The following ENPP1 variants were observed in gnomAD, a reference collection of about 807,000 sequenced individuals.
ENPP1 encodes the protein ectonucleotide pyrophosphatase/phosphodiesterase family member 1.
In ENPP1, 73 loss-of-function variants were observed where a neutral mutation model predicts 122.8. The observed-to-expected ratio is 0.59, with a 90% CI of 0.49 to 0.72. ENPP1 has a LOEUF of 0.72. Ranked by LOEUF, ENPP1 falls within the 30% of genes least tolerant of loss-of-function variation. The pLI is 0.00. For missense variants in ENPP1, 978 were observed against 1,128.1 expected (o/e 0.87, Z 1.91); for synonymous variants, 367 against 391.6 (o/e 0.94, Z 0.74).
At chr6:131,833,896 CTG>C (rs1054895761) in intron 1 of ENPP1, among the ~76,000 whole-genome samples, 10 of 152,286 alleles carry the variant, frequency 6.6e-5, no homozygotes, top group Admixed American at 2.6e-4. Context: ...GGTTAACTAT[CTG>C]TGAATCTAAA....
chr6:131,809,622 A>T (rs1396934158), intron 1 of ENPP1, among the ~76,000 whole-genome samples: 1 of 152,214 alleles, frequency 6.6e-6, no homozygotes, highest in African/African-American at 2.4e-5. Context: ...CAACCTGATC[A>T]CTTAAATTGT....
chr6:131,851,424 A>C (rs1781879885), intron 4 of ENPP1, 157 bp downstream of exon 4: 8 of 807,264 alleles, frequency 9.9e-6, no homozygotes, highest in Non-Finnish European at 1.6e-5. Flanking sequence ...AGAAACTTTT[A>C]AACATACACA....
intron 1 of ENPP1, among the ~76,000 whole-genome samples, chr6:131,846,738 A>C (rs1277303410): frequency 6.6e-6 from 1 of 152,156 alleles, no homozygotes; most frequent in Non-Finnish European, 1.5e-5. Context: ...GTACTCAATT[A>C]ATATTTTATT....
chr6:131,845,980 T>C (rs1238517162), intron 1 of ENPP1, among the ~76,000 whole-genome samples: 1 of 152,194 alleles, frequency 6.6e-6, no homozygotes, highest in East Asian at 1.9e-4. Flanking sequence ...TTTGCTTTCT[T>C]TGCAAAAACT....
chr6:131,846,408 C>A (rs1384969877), intron 1 of ENPP1, among the ~76,000 whole-genome samples: 1 of 152,184 alleles, frequency 6.6e-6, no homozygotes, highest in Non-Finnish European at 1.5e-5. Context: ...CTTTATGCTG[C>A]CCTTTCTCCT....
intron 8 of ENPP1, among the ~76,000 whole-genome samples, chr6:131,860,820 G>C (rs986878353): frequency 6.6e-6 from 1 of 152,114 alleles, no homozygotes; most frequent in South Asian, 2.1e-4. Flanking sequence ...AAACTACGTT[G>C]TTTTTGAACG....
In ENPP1 at chr6:131,864,923, A is replaced by C; in HGVS notation, c.1149A>C (p.Gly383=). The C allele has an allele frequency of 1.9e-6, 3 of 1,597,112 alleles. No homozygotes were observed. Among genetic ancestry groups the C allele is most frequent in the Non-Finnish European group, 2.6e-6 (3 of 1,164,664 alleles). ...CAGATTCTTCAGGTCATTCATATGG[A>C]CCAGTCAGCAGTGAAGTAAGTACAT... The part of the protein sequence containing the change: ...EEPDSSGHSY[G]PVSSEVIKAL... The change falls in exon 11 of 25, where the codon GGA becomes GGC. Residue 383 remains glycine, a synonymous_variant. Coordinates refer to ENST00000647893, the MANE Select transcript of ENPP1 (RefSeq NM_006208.3).
At chr6:131,875,357 TAAG>T (rs1782215933) in intron 16 of ENPP1, among the ~76,000 whole-genome samples, 1 of 152,182 alleles carries the variant, frequency 6.6e-6, no homozygotes, top group Non-Finnish European at 1.5e-5. Flanking sequence ...CTATAATAGA[TAAG>T]AAAGTATCAG....
Position 131,860,524 on chromosome 6 carries a change from C to G in ENPP1, c.915+18C>G, listed in dbSNP as rs954145765. The G allele has an allele frequency of 1.3e-5, 20 of 1,566,290 alleles. No individual in the cohort carries two copies. The highest frequency in any genetic ancestry group is 1.8e-5 in the Non-Finnish European group (20 of 1,139,210). On this transcript the variant is annotated intron_variant, in intron 8 of 24. Coordinates refer to ENST00000647893, the MANE Select transcript of ENPP1 (RefSeq NM_006208.3). ...GAGAACCAGTGAGTTCTTTGTTTTT[C>G]TACTAAAATAGTTAATTATTCTCAT... is the stretch of plus-strand genomic sequence containing the variant.
At chr6:131,823,062 T>G (rs1781501838) in intron 1 of ENPP1, among the ~76,000 whole-genome samples, 1 of 152,212 alleles carries the variant, frequency 6.6e-6, no homozygotes, top group South Asian at 2.1e-4. Context: ...CATGAATAGT[T>G]TCATCCATTC....
intron 19 of ENPP1, among the ~76,000 whole-genome samples, chr6:131,879,302 A>T (rs977769853): frequency 6.6e-6 from 1 of 152,198 alleles, no homozygotes; most frequent in African/African-American, 2.4e-5. Context: ...CTTAGGTACT[A>T]TATGTTCATG....
At chr6:131,887,725 A>AT (rs757759048) in intron 24 of ENPP1, among the ~76,000 whole-genome samples, 6,862 of 114,766 alleles carry the variant, frequency 0.06, 674 homozygotes, top group African/African-American at 0.18. Flanking sequence ...CACCCGGCTA[A>AT]TTTTTTTTTT....
At chr6:131,886,300 T>C (rs755400213) in intron 23 of ENPP1, among the ~76,000 whole-genome samples, 1 of 152,216 alleles carries the variant, frequency 6.6e-6, no homozygotes, top group Non-Finnish European at 1.5e-5. Context: ...TCAATGTCTT[T>C]AGGTAGAACT....
At position 131,891,073 on chromosome 6, in the gene ENPP1, A is replaced by G. The variant is rs1435358469; in HGVS notation, c.*562A>G. 6.5e-6 allele frequency: 1 copy of G among 152,724 alleles called. No individual in the cohort carries two copies. The allele number at this position is 152,724 out of a possible 1,614,324, so 9.5% of individuals were successfully genotyped here. ...TTGCTGTATATCCCCTCAAAATCCA[A>G]GTTATTAATCTTATGTGTTTTCTTT... On this transcript the variant is annotated 3_prime_UTR_variant, in exon 25 of 25. Coordinates refer to ENST00000647893, the MANE Select transcript of ENPP1 (RefSeq NM_006208.3).
chr6:131,818,922 A>G (rs1057418270), intron 1 of ENPP1, among the ~76,000 whole-genome samples: 3 of 152,200 alleles, frequency 2.0e-5, no homozygotes, highest in Non-Finnish European at 4.4e-5. Flanking sequence ...AAAATGAGTG[A>G]TGTTAGCTTG....
intron 1 of ENPP1, among the ~76,000 whole-genome samples, chr6:131,844,539 G>A (rs990501745): frequency 3.3e-5 from 5 of 152,098 alleles, no homozygotes; most frequent in Non-Finnish European, 7.4e-5. Context: ...CCTATATGAC[G>A]TTTTCAAAAA....
chr6:131,828,327 C>G (rs1378258900), intron 1 of ENPP1: 1 of 459,386 alleles, frequency 2.2e-6, no homozygotes, highest in Admixed American at 2.5e-5. Context: ...TGATGTAATA[C>G]CAGAAGACAT....
In ENPP1 at chr6:131,809,946, A is replaced by G. The variant is rs548686758; in HGVS notation, c.240+1671A>G. Among the ~76,000 whole-genome samples, 6 of 152,326 alleles carry G rather than the reference A, an allele frequency of 3.9e-5. No individual in the cohort carries two copies. In the South Asian group the frequency reaches 1.2e-3, roughly 32 times the overall value. On this transcript the variant is annotated intron_variant, in intron 1 of 24. Coordinates refer to ENST00000647893, the MANE Select transcript of ENPP1 (RefSeq NM_006208.3). The stretch of plus-strand genomic sequence containing the variant: ...GAAGTGTCCTAGGACTTACTTCCAC[A>G]AGTAGGACTATTATGGACCTTTTTT...
At chr6:131,851,811 A>C (rs1233938655) in intron 4 of ENPP1, among the ~76,000 whole-genome samples, 1 of 151,978 alleles carries the variant, frequency 6.6e-6, no homozygotes, top group Non-Finnish European at 1.5e-5. Context: ...TCTATATGAG[A>C]GAGAACTAAG....
Sources: gnomAD v4.1 joint callset for allele counts (sites outside exome capture counted in the v4.1 genomes callset) on GRCh38, gnomAD v4.1.1 for gene constraint, MANE v1.5 for transcripts, NCBI Gene and HGNC (gene_info 2026-07-23, HGNC 2026-07-21) for gene names.